The following HDLBP variants were observed in gnomAD, a reference collection of about 807,000 sequenced individuals.
HDLBP encodes the protein vigilin.
In HDLBP, 30 loss-of-function variants were observed where a neutral mutation model predicts 137.3. The observed-to-expected ratio is 0.22, with a 90% CI of 0.16 to 0.30. HDLBP has a LOEUF of 0.30. Among genes scored for constraint, HDLBP ranks in the 10% least tolerant of loss-of-function variants. The pLI, the probability that HDLBP is intolerant of heterozygous loss-of-function variation, is 1.00. For synonymous variants in HDLBP, 606 were observed against 596.0 expected, an observed-to-expected ratio of 1.02 and a Z score of -0.24; for missense variants, 1,119 against 1,667.3, an observed-to-expected ratio of 0.67 and a Z score of 5.73.
chr2:241,241,768 A>C (rs541050189), intron 17 of HDLBP, among the ~76,000 whole-genome samples: 1 of 152,270 alleles, frequency 6.6e-6, no homozygotes, highest in Non-Finnish European at 1.5e-5. Context: ...AGATCTGTTA[A>C]GTCGAACATA....
At chr2:241,235,656 C>T (rs1477619944) in intron 21 of HDLBP, 62 bp from the exon 22 acceptor site, 1 of 1,166,548 alleles carries the variant, frequency 8.6e-7, no homozygotes, top group African/African-American at 1.5e-5. Context: ...GTTGTAAGCT[C>T]AGCAATGGGG....
In HDLBP at chr2:241,233,888, C is replaced by T; in HGVS notation, c.3220G>A (p.Val1074Ile). 1 of 1,614,186 alleles carries T rather than the reference C, an allele frequency of 6.2e-7. No individual in the cohort carries two copies. The highest frequency in any genetic ancestry group is 8.5e-7 in the Non-Finnish European group (1 of 1,180,002). The stretch of plus-strand genomic sequence containing the variant: ...TGCTCCAACCGGATTTGGGTAATTA[C>T]TGCCCCCTTTCTCCCGATAATCTTG... ...HPKIIGRKGA[V>I]ITQIRLEHDV... is the part of the protein sequence containing the mutation. Residue 1074 changes from valine (V) to isoleucine (I), a missense_variant, in exon 24 of 28, where the codon GTA becomes ATA. Val to Ile is a conservative substitution (Grantham distance 29). This residue lies in a region of HDLBP where 618 missense variants were observed against 816.7 expected (regional missense o/e 0.76). Coordinates refer to ENST00000310931, the MANE Select transcript of HDLBP (RefSeq NM_005336.6). The surrounding 1 kb of genome is among the most constrained non-coding windows in gnomAD (Gnocchi z 4.3).
rs111568527 is a variant in HDLBP, at chr2:241,306,795, T to C, written c.-103+8775A>G. ...TACTCAGGAGGCTGAGGCAGGAGAA[T>C]TGCTTGAACCCGGGAGGCGGAAGTT... On this transcript the variant is annotated intron_variant, in intron 1 of 27. Coordinates refer to ENST00000310931, the MANE Select transcript of HDLBP (RefSeq NM_005336.6). 1.0e-3 allele frequency among the ~76,000 whole-genome samples: 158 copies of C among 151,312 alleles called. 2 individuals carry two copies. Among genetic ancestry groups the C allele is most frequent in the African/African-American group, 3.3e-3 (135 of 41,214 alleles).
chr2:241,235,533 C>T lies in HDLBP; in HGVS notation c.2966G>A (p.Gly989Glu). 1 of 1,614,072 alleles carries T rather than the reference C, an allele frequency of 6.2e-7. No homozygotes were observed. The change falls in exon 22 of 28, where the codon GGG (glycine) becomes GAG (glutamate). Residue 989 changes from glycine to glutamate, a missense_variant. Around this residue, in one of 4 missense-constraint regions of HDLBP, gnomAD observed 618 missense variants for 816.7 expected, o/e 0.76. Transcript: ENST00000310931. ...CTTGCGGATCCCACTTCCTTTCTGCCCAATAACGTAACGGTGAAGGTCAAA... is the reference window on the plus strand; with the variant it reads ...CTTGCGGATCCCACTTCCTTTCTGCTCAATAACGTAACGGTGAAGGTCAAA... ...VPFDLHRYVI[G>E]QKGSGIRKMM...
chr2:241,236,470 C>A, intron 21 of HDLBP, 145 bp downstream of exon 21: 1 of 787,134 alleles, frequency 1.3e-6, no homozygotes, highest in East Asian at 2.5e-5. Context: ...AAGCACAGCC[C>A]GTGCGCACAC....
intron 1 of HDLBP, chr2:241,273,149 A>T (rs2074240279): frequency 1.0e-6 from 1 of 985,350 alleles, no homozygotes; most frequent in African/African-American, 1.7e-5. Flanking sequence ...AGTACCGCCC[A>T]CCTCCCCAAA....
rs754280338 is a variant in HDLBP, at chr2:241,255,048, T to A, written c.1188+3A>T. On this transcript the variant is annotated splice_donor_region_variant and intron_variant, in intron 9 of 27. Coordinates refer to ENST00000310931, the MANE Select transcript of HDLBP (RefSeq NM_005336.6). ...ATACAACAGGTGAAAAACGTGTCCT[T>A]ACCTTTGGCATCTGCTGAGTGATTT... 9 of 1,598,964 alleles carry A rather than the reference T, an allele frequency of 5.6e-6. No homozygotes were observed. The highest frequency in any genetic ancestry group is 5.5e-5 in the South Asian group (5 of 90,722).
At chr2:241,263,507 A>G (rs1465222210) in intron 4 of HDLBP, among the ~76,000 whole-genome samples, 2 of 152,062 alleles carry the variant, frequency 1.3e-5, no homozygotes, top group African/African-American at 4.8e-5. Context: ...AGAGGGATCA[A>G]CTACCCTGGT....
intron 1 of HDLBP, among the ~76,000 whole-genome samples, chr2:241,271,759 CTTCTCCT>C (rs2074056567): frequency 6.7e-6 from 1 of 149,754 alleles, no homozygotes; most frequent in African/African-American, 2.4e-5. Context: ...GAAACCCAGA[CTTCTCCT>C]CTTCCAAAAC....
chr2:241,260,012 T>A (rs998571465), intron 5 of HDLBP, among the ~76,000 whole-genome samples: 13 of 152,070 alleles, frequency 8.5e-5, no homozygotes, highest in African/African-American at 2.9e-4. Context: ...TTTATTTATT[T>A]ATTATTTTGA....
rs2074204400 is a variant in HDLBP at position 241,272,743 on chromosome 2, C to A, written c.-102-4202G>T. 3 of 385,950 alleles carry A rather than the reference C, an allele frequency of 7.8e-6. No homozygotes were observed. Among genetic ancestry groups the A allele is most frequent in the Non-Finnish European group, 7.0e-6 (2 of 284,596 alleles). 23.9% of individuals were successfully genotyped at this position (385,950 alleles called of 1,614,324 possible). ...CGCCCGCCCGCCCAGGCCTCCCAGCCCCGTGTTGCGCGCTCACTCGTGGGC... is the reference window on the plus strand; with the variant it reads ...CGCCCGCCCGCCCAGGCCTCCCAGCACCGTGTTGCGCGCTCACTCGTGGGC... On this transcript the variant is annotated intron_variant, in intron 1 of 27. Coordinates refer to ENST00000310931, the MANE Select transcript of HDLBP (RefSeq NM_005336.6). The surrounding 1 kb of genome is among the most constrained non-coding windows in gnomAD (Gnocchi z 5.6).
At chr2:241,279,346 AT>A (rs1455291255) in intron 1 of HDLBP, among the ~76,000 whole-genome samples, 13 of 152,208 alleles carry the variant, frequency 8.5e-5, no homozygotes, top group African/African-American at 2.2e-4. Context: ...TGTAAAAAAA[AT>A]TATTTATATA....
chr2:241,245,923 T>C (rs567414941), intron 16 of HDLBP, among the ~76,000 whole-genome samples: 3 of 152,324 alleles, frequency 2.0e-5, no homozygotes, highest in South Asian at 2.1e-4. Context: ...AGAGGTGACG[T>C]CAGTATTGAC....
At chr2:241,314,978 G>A (rs1037670003) in intron 1 of HDLBP, 4 of 152,148 alleles carry the variant, frequency 2.6e-5, no homozygotes, top group African/African-American at 4.8e-5. Context: ...CCCGGGCCGG[G>A]GCACAACCCG....
chr2:241,264,151 C>T (rs530477171), intron 4 of HDLBP, among the ~76,000 whole-genome samples: 51 of 151,856 alleles, frequency 3.4e-4, no homozygotes, highest in Middle Eastern at 3.2e-3. Flanking sequence ...ATCACGAGGT[C>T]AGGAGATGGA....
chr2:241,232,106 G>A (rs750636626), intron 24 of HDLBP, among the ~76,000 whole-genome samples: 4 of 152,130 alleles, frequency 2.6e-5, no homozygotes, highest in African/African-American at 4.8e-5. Context: ...CCCACCCACC[G>A]TGGCCCAGCA....
rs1052447629 is a variant in HDLBP, at chr2:241,272,653, C to T, written c.-102-4112G>A. On this transcript the variant is annotated intron_variant, in intron 1 of 27. Coordinates refer to ENST00000310931, the MANE Select transcript of HDLBP (RefSeq NM_005336.6). The surrounding 1 kb of genome is among the most constrained non-coding windows in gnomAD (Gnocchi z 5.6). ...GGGCCGCGGCACCCGGGCCCCTCCCCCTCCGCGGCCTCCACGTCAGCAGCC... is the reference window on the plus strand; with the variant it reads ...GGGCCGCGGCACCCGGGCCCCTCCCTCTCCGCGGCCTCCACGTCAGCAGCC... The T allele has an allele frequency of 4.3e-6, 4 of 931,450 alleles. No homozygotes were observed. The highest frequency in any genetic ancestry group is 6.3e-5 in the Admixed American group (1 of 15,926). 57.7% of individuals were successfully genotyped at this position (931,450 alleles called of 1,614,324 possible). A position where few individuals can be genotyped will look rare whatever the true frequency, so the allele number is the denominator to read the frequency against.
chr2:241,231,523 C>A (rs1333919472), intron 24 of HDLBP, among the ~76,000 whole-genome samples: 2 of 152,122 alleles, frequency 1.3e-5, no homozygotes, highest in African/African-American at 4.8e-5. Context: ...AGGAGAGACA[C>A]TAACAGGCAA....
chr2:241,300,352 ACC>A (rs2075350244), intron 1 of HDLBP, among the ~76,000 whole-genome samples: 1 of 152,208 alleles, frequency 6.6e-6, no homozygotes, highest in East Asian at 1.9e-4. Flanking sequence ...AATCGGAGTA[ACC>A]CACGACATGT....
Sources: gnomAD v4.1 joint callset for allele counts (sites outside exome capture counted in the v4.1 genomes callset) on GRCh38, gnomAD v4.1.1 for gene constraint, gnomAD v4.1.1 regional missense constraint, Gnocchi (gnomAD v3.1) non-coding constraint, MANE v1.5 for transcripts, NCBI Gene and HGNC (gene_info 2026-07-23, HGNC 2026-07-21) for gene names.